RPL8: variants seen among roughly 807,000 people sequenced by gnomAD.
The protein encoded by RPL8 is large ribosomal subunit protein uL2.
For missense variants in RPL8, 248 were observed against 365.9 expected (o/e 0.68, Z 2.63); for synonymous variants, 182 against 143.2 (o/e 1.27, Z -1.94).
chr8:144,791,548 C>G (rs1038732899), intron 2 of RPL8, 53 bp from the exon 3 acceptor site: 50 of 1,577,640 alleles, frequency 3.2e-5, no homozygotes, highest in Non-Finnish European at 4.0e-5. Flanking sequence ...CAATGCGAAC[C>G]CCCTCGCTCT....
chr8:144,791,966 C>T (rs1826542979), intron 1 of RPL8, 26 bp downstream of exon 1: 2 of 1,609,570 alleles, frequency 1.2e-6, no homozygotes, highest in Non-Finnish European at 8.5e-7. Flanking sequence ...GTCCCTTCCC[C>T]TCCCGCCCCG....
chr8:144,791,229 G>C (rs1184741003), intron 3 of RPL8, 48 bp downstream of exon 3: 3 of 1,569,672 alleles, frequency 1.9e-6, no homozygotes, highest in Admixed American at 1.7e-5. Context: ...GGCACTCACA[G>C]CATGTTCACC....
intron 3 of RPL8, 162 bp from the exon 4 acceptor site, chr8:144,790,632 TC>T: frequency 1.5e-6 from 1 of 688,736 alleles, no homozygotes; most frequent in Non-Finnish European, 2.6e-6. Context: ...TGAGCTGACA[TC>T]CAGTTTCTTC....
chr8:144,790,590 C>T lies in RPL8; in HGVS notation c.500-120G>A, dbSNP rs144535173. The T allele has an allele frequency of 3.8e-5, 29 of 771,922 alleles. No homozygotes were observed. The Middle Eastern group carries it at 9.1e-4, about 24-fold the overall frequency. The allele number at this position is 771,922 out of a possible 1,614,324, so 47.8% of individuals were successfully genotyped here. On this transcript the variant is annotated intron_variant, in intron 3 of 4. Transcript: ENST00000528957. ...CCAACTACCCAGCAAAAAGCCCACT[C>T]GCCTCCACCCTAGGGAGCCCCTTGC...
chr8:144,792,209 C>A lies in RPL8; in HGVS notation c.-80G>T. The A allele has an allele frequency of 1.4e-6, 2 of 1,397,548 alleles. No individual in the cohort carries two copies. The highest frequency in any genetic ancestry group is 1.8e-6 in the Non-Finnish European group (2 of 1,083,216). The allele number at this position is 1,397,548 out of a possible 1,614,324, so 86.6% of individuals were successfully genotyped here. ...CCCCGCCAGCCCGGCTTTCCGGGAC[C>A]CCGCCCCCGAGGCCGCCGCGCCCAC... On this transcript the variant is annotated 5_prime_UTR_variant, in exon 1 of 5. Coordinates refer to ENST00000528957, the MANE Select transcript of RPL8 (RefSeq NM_001317782.2).
In RPL8 at chr8:144,789,843, A is replaced by C. The variant is rs377027985; in HGVS notation, c.735T>G (p.Arg245=). 6.2e-7 allele frequency: 1 copy of C among 1,613,280 alleles called. No individual in the cohort carries two copies. The highest frequency in any genetic ancestry group is 1.3e-5 in the African/African-American group (1 of 74,894). Residue 245 remains arginine, a synonymous_variant, in exon 5 of 5, where the codon CGT becomes CGG. Transcript: ENST00000528957. ...CCTGCACAGTCTTGGTTCCCCGGAG[A>C]CGTCCAGTCCGGCGGGCAGCAATGA... is the stretch of plus-strand genomic sequence containing the variant. ...VGLIAARRTG[R]LRGTKTVQEK...
rs982798013 is a variant in RPL8 at position 144,791,562 on chromosome 8, C to A, written c.281-67G>T. On this transcript the variant is annotated intron_variant, in intron 2 of 4. Coordinates refer to ENST00000528957, the MANE Select transcript of RPL8 (RefSeq NM_001317782.2). ...ACAATGCGAACCCCCTCGCTCTAGG[C>A]AACCCGCGAAGTTGCGAGCACAGCA... 77 of 1,550,768 alleles carry A rather than the reference C, an allele frequency of 5.0e-5. No homozygotes were observed. In the African/African-American group the frequency reaches 1.0e-3, roughly 20 times the overall value.
chr8:144,791,500 A>AAGGG lies in RPL8; in HGVS notation c.281-9_281-6dup. On this transcript the variant is annotated splice_region_variant and splice_polypyrimidine_tract_variant and intron_variant, in intron 2 of 4. Transcript: ENST00000528957. ...CATTGCCAATGTTGAGCTGGGCTGC[A>AAGGG]AGGGGAAGCAGCATCAGGCCGTCAG... The AAGGG allele has an allele frequency of 6.2e-7, 1 of 1,613,034 alleles. No individual in the cohort carries two copies.
rs980851019 is a variant in RPL8 at position 144,792,359 on chromosome 8, G to A, written c.-230C>T. ...GCCCATGCCGCAAGGCCGCAAGGAT[G>A]ACCTACCTGTTCACCAGCGCGGCCG... On this transcript the variant is annotated 5_prime_UTR_variant, in exon 1 of 5. Transcript: ENST00000528957. 5.5e-5 allele frequency: 38 copies of A among 688,336 alleles called. No homozygotes were observed. The South Asian group carries it at 6.7e-4, about 12-fold the overall frequency. 42.6% of individuals were successfully genotyped at this position (688,336 alleles called of 1,614,324 possible).
chr8:144,789,906 G>A lies in RPL8; in HGVS notation c.672C>T (p.Thr224=), dbSNP rs1826436198. ...GNHQHIGKPS[T]IRRDAPAGRK... The stretch of plus-strand genomic sequence containing the variant: ...GGCCAGCAGGGGCATCTCTGCGGAT[G>A]GTGGAGGGCTTGCCGATGTGCTGGT... The change falls in exon 5 of 5, where the codon ACC becomes ACT. Residue 224 remains threonine, a synonymous_variant. Coordinates refer to ENST00000528957, the MANE Select transcript of RPL8 (RefSeq NM_001317782.2). The A allele has an allele frequency of 6.2e-7, 1 of 1,613,316 alleles. No individual in the cohort carries two copies. The highest frequency in any genetic ancestry group is 1.3e-5 in the African/African-American group (1 of 74,930).
Position 144,792,252 on chromosome 8 carries a change from G to A in RPL8, c.-123C>T. ...GCGCCCACCACTCCCTACCCTCTCC[G>A]CGGGCGCCCGCACCGGCATCCTCTC... On this transcript the variant is annotated 5_prime_UTR_variant, in exon 1 of 5. Transcript: ENST00000528957. 2 of 1,310,520 alleles carry A rather than the reference G, an allele frequency of 1.5e-6. No individual in the cohort carries two copies. Among genetic ancestry groups the A allele is most frequent in the Non-Finnish European group, 2.0e-6 (2 of 1,020,190 alleles). The allele number at this position is 1,310,520 out of a possible 1,614,324, so 81.2% of individuals were successfully genotyped here. A position where few individuals can be genotyped will look rare whatever the true frequency, so the allele number is the denominator to read the frequency against.
chr8:144,790,548 C>T (rs752257492), intron 3 of RPL8, 78 bp from the exon 4 acceptor site: 1 of 1,102,054 alleles, frequency 9.1e-7, no homozygotes, highest in Non-Finnish European at 1.4e-6. Context: ...CTGTCATGCA[C>T]CTTCCCAATA....
At position 144,792,032 on chromosome 8, in the gene RPL8, T is replaced by C. The variant is rs772185647; in HGVS notation, c.98A>G (p.Asp33Gly). The change falls in exon 1 of 5, where the codon GAT (aspartate) becomes GGT (glycine). Residue 33 changes from aspartate to glycine, a missense_variant. Coordinates refer to ENST00000528957, the MANE Select transcript of RPL8 (RefSeq NM_001317782.2). ...RKGAARLRAV[D>G]FAERHGYIKG... Reference sequence around the variant, plus strand: ...GATGTAGCCGTGCCGCTCAGCGAAATCCACGGCGCGCAGGCGCGCAGCGCC... The same window carrying C: ...GATGTAGCCGTGCCGCTCAGCGAAACCCACGGCGCGCAGGCGCGCAGCGCC... 1 of 1,609,244 alleles carries C rather than the reference T, an allele frequency of 6.2e-7. No homozygotes were observed. Among genetic ancestry groups the C allele is most frequent in the Admixed American group, 1.7e-5 (1 of 59,358 alleles).
At chr8:144,791,585 G>A (rs779424925) in intron 2 of RPL8, 90 bp from the exon 3 acceptor site, 9 of 1,492,550 alleles carry the variant, frequency 6.0e-6, no homozygotes, top group South Asian at 1.2e-5. Flanking sequence ...TGCGAGCACA[G>A]CATTCAACAT....
chr8:144,791,836 T>C lies in RPL8; in HGVS notation c.217A>G (p.Thr73Ala). 6.2e-7 allele frequency: 1 copy of C among 1,613,786 alleles called. No individual in the cohort carries two copies. The highest frequency in any genetic ancestry group is 8.5e-7 in the Non-Finnish European group (1 of 1,180,004). Reference sequence around the variant, plus strand: ...CCCTCGGCGGCAATGAACAGCTCCGTCCGCTTCTTAAACCGATACGGATCC... The same window carrying C: ...CCCTCGGCGGCAATGAACAGCTCCGCCCGCTTCTTAAACCGATACGGATCC... The part of the protein sequence containing the change: ...FRDPYRFKKR[T>A]ELFIAAEGIH... The change falls in exon 2 of 5, where the codon ACG becomes GCG. Residue 73 changes from threonine (T) to alanine (A), a missense_variant. Thr to Ala is a moderately conservative substitution (Grantham distance 58, BLOSUM62 0). Transcript: ENST00000528957.
At position 144,791,796 on chromosome 8, in the gene RPL8, T is replaced by C. The variant is rs763188572; in HGVS notation, c.257A>G (p.Gln86Arg). Residue 86 changes from glutamine (Q) to arginine (R), a missense_variant, in exon 2 of 5, where the codon CAG becomes CGG. Coordinates refer to ENST00000528957, the MANE Select transcript of RPL8 (RefSeq NM_001317782.2). ...FIAAEGIHTG[Q>R]FVYCGKKAQL... Reference sequence around the variant, plus strand: ...ACCCTTCTTGCCGCAATACACAAACTGGCCCGTGTGAATGCCCTCGGCGGC... The same window carrying C: ...ACCCTTCTTGCCGCAATACACAAACCGGCCCGTGTGAATGCCCTCGGCGGC... 1 of 1,612,794 alleles carries C rather than the reference T, an allele frequency of 6.2e-7. No homozygotes were observed. Among genetic ancestry groups the C allele is most frequent in the African/African-American group, 1.3e-5 (1 of 74,948 alleles).
Position 144,789,936 on chromosome 8 carries a change from G to A in RPL8, c.642C>T (p.Gly214=), listed in dbSNP as rs368976992. ...AGGGCTTGCCGATGTGCTGGTGGTT[G>A]CCACCTCCAAAAGGATGCTCCACAG... ...MNPVEHPFGG[G]NHQHIGKPST... is the part of the protein sequence containing the mutation. Residue 214 remains glycine (G), a synonymous_variant, in exon 5 of 5, where the codon GGC becomes GGT. Coordinates refer to ENST00000528957, the MANE Select transcript of RPL8 (RefSeq NM_001317782.2). 2.5e-6 allele frequency: 4 copies of A among 1,612,822 alleles called. No homozygotes were observed. The highest frequency in any genetic ancestry group is 3.3e-5 in the Admixed American group (2 of 59,944).
chr8:144,790,519 C>T, intron 3 of RPL8, 49 bp from the exon 4 acceptor site: 14 of 1,375,954 alleles, frequency 1.0e-5, no homozygotes, highest in African/African-American at 1.4e-5. Flanking sequence ...TCAGAGCACC[C>T]CCACCTCCCC....
Position 144,792,176 on chromosome 8 carries a change from C to A in RPL8, c.-47G>T. 1.4e-6 allele frequency: 2 copies of A among 1,440,336 alleles called. No individual in the cohort carries two copies. The highest frequency in any genetic ancestry group is 3.0e-5 in the African/African-American group (2 of 66,816). The allele number at this position is 1,440,336 out of a possible 1,614,324, so 89.2% of individuals were successfully genotyped here. A position where few individuals can be genotyped will look rare whatever the true frequency, so the allele number is the denominator to read the frequency against. ...CTCACGATTAGCGCGGCCGGGCGGC[C>A]CGGGTACCCCCGCCAGCCCGGCTTT... On this transcript the variant is annotated 5_prime_UTR_variant, in exon 1 of 5. Transcript: ENST00000528957.
Sources: gnomAD v4.1 joint callset for allele counts on GRCh38, gnomAD v4.1.1 for gene constraint, MANE v1.5 for transcripts, NCBI Gene and HGNC (gene_info 2026-07-23, HGNC 2026-07-21) for gene names.